Variants in ETFA observed in about 807,000 individuals in gnomAD.
ETFA encodes electron transfer flavoprotein subunit alpha, mitochondrial.
ETFA carries 22 observed loss-of-function variants against 46.2 expected under a neutral mutation model. The observed-to-expected ratio is 0.48, with a 90% confidence interval of 0.34 to 0.68. The LOEUF (loss-of-function observed/expected upper bound fraction) is 0.68. Among genes scored for constraint, ETFA ranks in the 30% least tolerant of loss-of-function variants. The pLI is 0.01. For missense variants in ETFA, 345 were observed against 401.1 expected (o/e 0.86, Z 1.19); for synonymous variants, 131 against 139.9 (o/e 0.94, Z 0.45).
chr15:76,262,064 G>A (rs2039419585), intron 9 of ETFA, among the ~76,000 whole-genome samples: 1 of 152,044 alleles, frequency 6.6e-6, no homozygotes, highest in Admixed American at 6.6e-5. Flanking sequence ...TAAGAAATTA[G>A]AGAAATAAAA....
rs865799837 is a variant in ETFA at position 76,233,179 on chromosome 15, G to A, written c.817-1781C>T. On this transcript the variant is annotated intron_variant, in intron 9 of 11. Coordinates refer to ENST00000557943, the MANE Select transcript of ETFA (RefSeq NM_000126.4). ...CATGCTCTGTGATTCTACCTTCAAT[G>A]TATCCAGTGTGTCAATTGTGACCCT... Among the ~76,000 whole-genome samples the A allele has an allele frequency of 2.6e-5, 4 of 152,272 alleles. No individual in the cohort carries two copies. In the South Asian group the frequency reaches 8.3e-4, roughly 32 times the overall value.
rs2039376671 is a variant in ETFA at position 76,259,244 on chromosome 15, G to T, written c.816+15168C>A. On this transcript the variant is annotated intron_variant, in intron 9 of 11. Transcript: ENST00000557943. ...TGGGCTCCTTGGCTCTCTCGATGTTGATGTATAAGGGGTCCTGGCTGGCGG... is the reference window on the plus strand; with the variant it reads ...TGGGCTCCTTGGCTCTCTCGATGTTTATGTATAAGGGGTCCTGGCTGGCGG... 5.1e-6 allele frequency: 8 copies of T among 1,558,022 alleles called. 1 individual carries two copies. In the Middle Eastern group the frequency reaches 5.1e-4, roughly 100 times the overall value.
chr15:76,273,705 C>T (rs1418590936), intron 9 of ETFA, among the ~76,000 whole-genome samples: 5 of 149,286 alleles, frequency 3.3e-5, no homozygotes, highest in African/African-American at 1.2e-4. Flanking sequence ...ATGGACAAGA[C>T]TGCATATTGT....
In ETFA at chr15:76,215,741, A is replaced by G. The variant is rs1479563296; in HGVS notation, c.*818T>C. ...GACTACACAGGCCTGGGTGCTTCCT[A>G]AGAGAGCCCAAAAGAAGCCAACAGA... On this transcript the variant is annotated 3_prime_UTR_variant, in exon 12 of 12. Coordinates refer to ENST00000557943, the MANE Select transcript of ETFA (RefSeq NM_000126.4). 6.6e-6 allele frequency: 1 copy of G among 152,272 alleles called. No individual in the cohort carries two copies. The highest frequency in any genetic ancestry group is 3.1e-3 in the Middle Eastern group (1 of 318). The allele number at this position is 152,272 out of a possible 1,614,324, so 9.4% of individuals were successfully genotyped here.
intron 11 of ETFA, among the ~76,000 whole-genome samples, chr15:76,219,686 A>G (rs2456039): frequency 0.97 from 147,977 of 152,354 alleles, 72,013 homozygotes; most frequent in East Asian, 1. Context: ...CTTCCCTAAA[A>G]GAGATATACG....
intron 9 of ETFA, among the ~76,000 whole-genome samples, chr15:76,268,624 G>A (rs1204745533): frequency 6.6e-6 from 1 of 152,174 alleles, no homozygotes; most frequent in Admixed American, 6.5e-5. Context: ...CAGGTAGGCA[G>A]GAATATCATC....
chr15:76,234,561 C>T (rs1567198602), intron 9 of ETFA, among the ~76,000 whole-genome samples: 2 of 152,012 alleles, frequency 1.3e-5, no homozygotes, highest in African/African-American at 2.4e-5. Context: ...TTATACAAGG[C>T]GTGGTGGGGG....
At chr15:76,304,874 C>A (rs551620126) in intron 1 of ETFA, among the ~76,000 whole-genome samples, 2 of 151,928 alleles carry the variant, frequency 1.3e-5, no homozygotes, top group Middle Eastern at 3.2e-3. Flanking sequence ...GAAACCCCGT[C>A]TCTACTAAAA....
At chr15:76,226,298 C>T (rs1164240563) in intron 10 of ETFA, 9 of 233,894 alleles carry the variant, frequency 3.8e-5, no homozygotes, top group East Asian at 1.2e-4. Flanking sequence ...AATTATTATT[C>T]TGGAGGACAG....
chr15:76,303,375 A>G (rs2469209), intron 1 of ETFA, among the ~76,000 whole-genome samples: 148,943 of 152,272 alleles, frequency 0.98, 72,928 homozygotes, highest in South Asian at 1. Context: ...AGAAGAAAAC[A>G]TAGGAAATGG....
intron 9 of ETFA, among the ~76,000 whole-genome samples, chr15:76,256,667 G>A (rs1417373576): frequency 6.6e-6 from 1 of 152,140 alleles, no homozygotes; most frequent in African/African-American, 2.4e-5. Context: ...CTAACAAGAT[G>A]AACAAGATGA....
chr15:76,259,560 C>T, intron 9 of ETFA: 1 of 1,056,228 alleles, frequency 9.5e-7, no homozygotes, highest in Non-Finnish European at 1.5e-6. Context: ...CATGGTCACC[C>T]CGAAGGCCCA....
chr15:76,260,690 G>A (rs2039401089), intron 9 of ETFA: 4 of 1,602,082 alleles, frequency 2.5e-6, no homozygotes, highest in Non-Finnish European at 3.4e-6. Flanking sequence ...CCCACTCCAA[G>A]ATGAGGCCTG....
At position 76,286,431 on chromosome 15, in the gene ETFA, C is replaced by A. The variant is rs779987487; in HGVS notation, c.502G>T (p.Val168Phe). 2.5e-6 allele frequency: 4 copies of A among 1,613,826 alleles called. No homozygotes were observed. In the East Asian group the frequency reaches 8.9e-5, roughly 36 times the overall value. Residue 168 changes from valine (V) to phenylalanine (F), a missense_variant, in exon 6 of 12, where the codon GTC (valine) becomes TTC (phenylalanine). By Grantham distance (50) the Val-to-Phe change is conservative (BLOSUM62 -1). Transcript: ENST00000557943. Reference sequence around the variant, plus strand: ...GCAGCATCAAAGGATGTTCCACGGACAGAAAACACTTTCACTTTCTCATCA... The same window carrying A: ...GCAGCATCAAAGGATGTTCCACGGAAAGAAAACACTTTCACTTTCTCATCA... ...KCDEKVKVFS[V>F]RGTSFDAAAT... is the part of the protein sequence containing the mutation.
intron 9 of ETFA, chr15:76,260,067 C>A: frequency 6.7e-7 from 1 of 1,499,984 alleles, no homozygotes; most frequent in Non-Finnish European, 9.3e-7. Flanking sequence ...TCTTCATAGC[C>A]ACTTTCACAA....
intron 10 of ETFA, among the ~76,000 whole-genome samples, chr15:76,229,356 G>T (rs2039040199): frequency 1.3e-5 from 2 of 152,216 alleles, no homozygotes; most frequent in South Asian, 4.1e-4. Flanking sequence ...CTGTTGACTA[G>T]ATGGAGATAC....
chr15:76,268,413 G>A (rs758625789), intron 9 of ETFA, among the ~76,000 whole-genome samples: 4 of 152,130 alleles, frequency 2.6e-5, no homozygotes, highest in South Asian at 4.1e-4. Flanking sequence ...AAGACGGAAC[G>A]AGGACCAACC....
At chr15:76,299,624 C>T (rs1376527081) in intron 1 of ETFA, among the ~76,000 whole-genome samples, 3 of 152,150 alleles carry the variant, frequency 2.0e-5, no homozygotes, top group Non-Finnish European at 2.9e-5. Flanking sequence ...GCCCCCTACT[C>T]TTAGAAGGTA....
At chr15:76,295,959 T>TTTTTTTTTTTTTTTTTTTTTTTTTTG (rs869232507) in intron 1 of ETFA, among the ~76,000 whole-genome samples, 1 of 101,994 alleles carries the variant, frequency 9.8e-6, no homozygotes, top group African/African-American at 3.5e-5. Context: ...TTTTTTTTTT[T>TTTTTTTTTTTTTTTTTTTTTTTTTTG]GAGATGGAGT....
Sources: allele counts gnomAD v4.1 joint callset (sites outside exome capture counted in the v4.1 genomes callset), GRCh38; gene constraint gnomAD v4.1.1; transcripts MANE v1.5; gene names NCBI Gene and HGNC (gene_info 2026-07-23, HGNC 2026-07-21).